DAGLA: variants seen among roughly 807,000 people sequenced by gnomAD.
The protein encoded by DAGLA is diacylglycerol lipase alpha, also known as diacylglycerol lipase-alpha.
In DAGLA, 22 loss-of-function variants were observed where a neutral mutation model predicts 102.6. That is an observed-to-expected ratio of 0.21 (90% CI 0.15 to 0.31). DAGLA has a LOEUF of 0.31. Ranked by LOEUF, DAGLA falls within the 10% of genes least tolerant of loss-of-function variation. DAGLA has a pLI of 1.00. For synonymous variants in DAGLA, 578 were observed against 628.9 expected (o/e 0.92, Z 1.21); for missense variants, 927 against 1,446.6 (o/e 0.64, Z 5.83).
At chr11:61,718,725 G>A (rs930865592) in intron 1 of DAGLA, among the ~76,000 whole-genome samples, 2 of 152,100 alleles carry the variant, frequency 1.3e-5, no homozygotes, top group African/African-American at 4.8e-5. Context: ...TCCTGAGGGT[G>A]GGGGGAGGAG....
At chr11:61,737,410 GA>G in intron 14 of DAGLA, 86 bp downstream of exon 14, 1 of 1,568,912 alleles carries the variant, frequency 6.4e-7, no homozygotes, top group Non-Finnish European at 8.7e-7. Flanking sequence ...GCTGGACTGG[GA>G]GTCTGACTTC....
chr11:61,690,613 C>T (rs959290759), intron 1 of DAGLA, among the ~76,000 whole-genome samples: 2 of 152,194 alleles, frequency 1.3e-5, no homozygotes, highest in South Asian at 4.1e-4. Context: ...CGTTTCACAG[C>T]AGGGGTCCAA....
rs1186337163 is a variant in DAGLA at position 61,745,774 on chromosome 11, C to G, written c.*1285C>G. On this transcript the variant is annotated 3_prime_UTR_variant, in exon 20 of 20. Transcript: ENST00000257215. ...TGCATGTGCATGAGTGTGCACCGTT[C>G]CTAAGGAAGGGGCCTCTGGGGCTGC... is the stretch of plus-strand genomic sequence containing the variant. The G allele has an allele frequency of 6.6e-6, 1 of 152,402 alleles. No individual in the cohort carries two copies. The highest frequency in any genetic ancestry group is 6.5e-5 in the Admixed American group (1 of 15,288). 9.4% of individuals were successfully genotyped at this position (152,402 alleles called of 1,614,324 possible). A position where few individuals can be genotyped will look rare whatever the true frequency, so the allele number is the denominator to read the frequency against.
At chr11:61,719,956 T>C (rs1190770102) in intron 1 of DAGLA, among the ~76,000 whole-genome samples, 156 bp from the exon 2 acceptor site, 1 of 152,160 alleles carries the variant, frequency 6.6e-6, no homozygotes, top group Non-Finnish European at 1.5e-5. Flanking sequence ...TTGTGTTGGC[T>C]CCTGCCCGGA....
rs915391825 is a variant in DAGLA, at chr11:61,728,007, T to C, written c.637-146T>C. On this transcript the variant is annotated intron_variant, in intron 6 of 19. Coordinates refer to ENST00000257215, the MANE Select transcript of DAGLA (RefSeq NM_006133.3). Reference sequence around the variant, plus strand: ...ACATGGGGTCAGGCTCAGTGGGCGCTGTGGAGGTGCTGGGGAGAACCTGTC... The same window carrying C: ...ACATGGGGTCAGGCTCAGTGGGCGCCGTGGAGGTGCTGGGGAGAACCTGTC... The C allele has an allele frequency of 1.2e-5, 11 of 886,000 alleles. No individual in the cohort carries two copies. In the Admixed American group the frequency reaches 1.4e-4, roughly 12 times the overall value. 54.9% of individuals were successfully genotyped at this position (886,000 alleles called of 1,614,324 possible).
At chr11:61,702,894 T>A (rs547118514) in intron 1 of DAGLA, among the ~76,000 whole-genome samples, 1 of 152,312 alleles carries the variant, frequency 6.6e-6, no homozygotes, top group South Asian at 2.1e-4. Flanking sequence ...CACAGTTGCC[T>A]CATCAGTAAA....
intron 1 of DAGLA, among the ~76,000 whole-genome samples, chr11:61,687,963 T>A (rs2064998307): frequency 6.6e-6 from 1 of 152,164 alleles, no homozygotes; most frequent in African/African-American, 2.4e-5. Flanking sequence ...CCTGTCTCCC[T>A]CACTGTTCAA....
intron 1 of DAGLA, among the ~76,000 whole-genome samples, chr11:61,703,466 C>T (rs542010262): frequency 6.6e-6 from 1 of 152,240 alleles, no homozygotes; most frequent in African/African-American, 2.4e-5. Context: ...GGGTTCTCTC[C>T]AGGCTAGAGG....
intron 1 of DAGLA, among the ~76,000 whole-genome samples, chr11:61,708,866 C>T (rs1420753147): frequency 6.6e-6 from 1 of 152,212 alleles, no homozygotes; most frequent in Non-Finnish European, 1.5e-5. Flanking sequence ...TCCTGTCCTC[C>T]ACCCGGCAGC....
At chr11:61,697,297 C>G (rs1288301752) in intron 1 of DAGLA, among the ~76,000 whole-genome samples, 1 of 152,212 alleles carries the variant, frequency 6.6e-6, no homozygotes, top group East Asian at 1.9e-4. Context: ...TGGCCCGCTG[C>G]TGTGGTCAGG....
At chr11:61,731,985 C>T (rs1183773530) in intron 9 of DAGLA, among the ~76,000 whole-genome samples, 1 of 152,234 alleles carries the variant, frequency 6.6e-6, no homozygotes, top group Non-Finnish European at 1.5e-5. Context: ...CAACCTTCTT[C>T]ATAGGATCTA....
intron 1 of DAGLA, among the ~76,000 whole-genome samples, chr11:61,687,423 C>T (rs1052261937): frequency 1.3e-5 from 2 of 152,146 alleles, no homozygotes; most frequent in African/African-American, 4.8e-5. Flanking sequence ...ACCTCCGCCT[C>T]CTGGTTCAAG....
chr11:61,710,273 T>G (rs1258132455), intron 1 of DAGLA, among the ~76,000 whole-genome samples: 1 of 146,310 alleles, frequency 6.8e-6, no homozygotes, highest in Non-Finnish European at 1.5e-5. Flanking sequence ...AAGTGGCTCC[T>G]AGGAGAGGGG....
intron 9 of DAGLA, among the ~76,000 whole-genome samples, chr11:61,732,802 A>G (rs2065387191): frequency 6.6e-6 from 1 of 152,288 alleles, no homozygotes; most frequent in South Asian, 2.1e-4. Context: ...TGTCCATAAC[A>G]GCCTGGCCAG....
At position 61,707,784 on chromosome 11, in the gene DAGLA, G is replaced by A. The variant is rs576412954; in HGVS notation, c.-44-12328G>A. On this transcript the variant is annotated intron_variant, in intron 1 of 19. Transcript: ENST00000257215. ...GGTGCACTCAGTGGCTGAGCAGGTG[G>A]AAAGACAGGAGCTGGGAGTGGGCGT... is the stretch of plus-strand genomic sequence containing the variant. 7.2e-5 allele frequency among the ~76,000 whole-genome samples: 11 copies of A among 152,044 alleles called. 1 individual carries two copies. In the South Asian group the frequency reaches 2.3e-3, roughly 32 times the overall value.
In DAGLA at chr11:61,728,294, AC is replaced by A; in HGVS notation, c.771+9del. The A allele has an allele frequency of 1.2e-6, 2 of 1,608,650 alleles. No homozygotes were observed. Among genetic ancestry groups the A allele is most frequent in the Non-Finnish European group, 1.7e-6 (2 of 1,179,564 alleles). Reference sequence around the variant, plus strand: ...CAACGCCGTGCTGGACGAGGTGAGCACCACCAGCCCCTTCTCCAGGTCACCT... The same window carrying A: ...CAACGCCGTGCTGGACGAGGTGAGCACACCAGCCCCTTCTCCAGGTCACCT... On this transcript the variant is annotated splice_region_variant and intron_variant, in intron 7 of 19. Transcript: ENST00000257215.
intron 1 of DAGLA, among the ~76,000 whole-genome samples, chr11:61,717,101 C>A (rs1384193184): frequency 6.6e-6 from 1 of 152,094 alleles, no homozygotes; most frequent in African/African-American, 2.4e-5. Context: ...AGGGGAGGAC[C>A]CTATGCCCCA....
Position 61,720,155 on chromosome 11 carries a change from C to T in DAGLA, c.-1C>T. 2.5e-6 allele frequency: 4 copies of T among 1,612,372 alleles called. No individual in the cohort carries two copies. The highest frequency in any genetic ancestry group is 3.4e-6 in the Non-Finnish European group (4 of 1,179,998). On this transcript the variant is annotated 5_prime_UTR_variant, in exon 2 of 20. Coordinates refer to ENST00000257215, the MANE Select transcript of DAGLA (RefSeq NM_006133.3). Reference sequence around the variant, plus strand: ...ACTGAGCCTCTGCAGAGCCACCAGCCATGCCCGGGATCGTGGTGTTCCGGC... The same window carrying T: ...ACTGAGCCTCTGCAGAGCCACCAGCTATGCCCGGGATCGTGGTGTTCCGGC...
chr11:61,695,644 G>A (rs868600328), intron 1 of DAGLA, among the ~76,000 whole-genome samples: 80 of 152,332 alleles, frequency 5.3e-4, no homozygotes, highest in African/African-American at 1.9e-3. Context: ...GCTGTAAGGA[G>A]GCTTTGTGCC....
Sources: gnomAD v4.1 joint callset for allele counts (sites outside exome capture counted in the v4.1 genomes callset) on GRCh38, gnomAD v4.1.1 for gene constraint, MANE v1.5 for transcripts, NCBI Gene and HGNC (gene_info 2026-07-23, HGNC 2026-07-21) for gene names.